TRAF1: variants seen among roughly 807,000 people sequenced by gnomAD.
TRAF1 encodes the protein TNF receptor-associated factor 1.
A neutral mutation model predicts 40.9 loss-of-function variants in TRAF1; 23 were observed. The observed-to-expected ratio is 0.56, with a 90% confidence interval of 0.40 to 0.80. TRAF1 has a LOEUF of 0.80. TRAF1 is among the 30% of genes least tolerant of loss of function. TRAF1 has a pLI of 0.00. For missense variants in TRAF1, 477 were observed against 528.7 expected (o/e 0.90, Z 0.96); for synonymous variants, 206 against 218.8 (o/e 0.94, Z 0.52).
chr9:120,914,547 A>G (rs1043653016), intron 3 of TRAF1: 29 of 1,149,310 alleles, frequency 2.5e-5, no homozygotes, highest in Non-Finnish European at 3.0e-5. Context: ...CTGTCAGGGC[A>G]CAGTCCACAC....
intron 3 of TRAF1, among the ~76,000 whole-genome samples, chr9:120,922,797 G>A (rs986740858): frequency 6.6e-6 from 1 of 152,112 alleles, no homozygotes; most frequent in African/African-American, 2.4e-5. Context: ...AGTCTTTGTT[G>A]CAAGTACTCA....
Position 120,905,241 on chromosome 9 carries a change from G to A in TRAF1, c.1033-3C>T, listed in dbSNP as rs768054582. ...TGGTCCAGCAGCATGAAGGTGACCT[G>A]CAGGGAAGGGATAGGTGGGAGATCA... is the stretch of plus-strand genomic sequence containing the variant. On this transcript the variant is annotated splice_region_variant and splice_polypyrimidine_tract_variant and intron_variant, in intron 7 of 7. Transcript: ENST00000373887. 5 of 1,603,094 alleles carry A rather than the reference G, an allele frequency of 3.1e-6. No individual in the cohort carries two copies. The highest frequency in any genetic ancestry group is 2.2e-5 in the South Asian group (2 of 89,538).
At position 120,902,534 on chromosome 9, in the gene TRAF1, G is replaced by C. The variant is rs983375072; in HGVS notation, c.*2486C>G. 6.6e-6 allele frequency: 1 copy of C among 151,250 alleles called. No individual in the cohort carries two copies. Among genetic ancestry groups the C allele is most frequent in the East Asian group, 1.9e-4 (1 of 5,150 alleles). 9.4% of individuals were successfully genotyped at this position (151,250 alleles called of 1,614,324 possible). A position where few individuals can be genotyped will look rare whatever the true frequency, so the allele number is the denominator to read the frequency against. ...GGTGGGGGGGGGGGCGGTGGGCACTGCTGCATCTGATGCTGTCTACACTCC... is the reference window on the plus strand; with the variant it reads ...GGTGGGGGGGGGGGCGGTGGGCACTCCTGCATCTGATGCTGTCTACACTCC... On this transcript the variant is annotated 3_prime_UTR_variant, in exon 8 of 8. Coordinates refer to ENST00000373887, the MANE Select transcript of TRAF1 (RefSeq NM_005658.5).
At chr9:120,914,032 T>C (rs779215589) in intron 4 of TRAF1, among the ~76,000 whole-genome samples, 19 of 152,294 alleles carry the variant, frequency 1.2e-4, no homozygotes, top group Non-Finnish European at 2.4e-4. Flanking sequence ...CTGCCTATGC[T>C]TAGGTAAGAC....
At chr9:120,921,932 A>G (rs1484797461) in intron 3 of TRAF1, among the ~76,000 whole-genome samples, 1 of 152,230 alleles carries the variant, frequency 6.6e-6, no homozygotes, top group African/African-American at 2.4e-5. Flanking sequence ...TGGACATCAC[A>G]GATCCTGGAA....
At chr9:120,916,364 C>T (rs1164911340) in intron 3 of TRAF1, among the ~76,000 whole-genome samples, 1 of 152,162 alleles carries the variant, frequency 6.6e-6, no homozygotes, top group African/African-American at 2.4e-5. Flanking sequence ...TGCCATTTGA[C>T]TGTAGTGGCG....
chr9:120,927,308 T>C (rs142731569), upstream of TRAF1: 2 of 152,330 alleles, frequency 1.3e-5, no homozygotes, highest in African/African-American at 2.4e-5. Context: ...ACTTTCACAG[T>C]GGTTTCAGAT....
chr9:120,925,352 A>G (rs926832006), intron 2 of TRAF1, among the ~76,000 whole-genome samples: 1 of 152,346 alleles, frequency 6.6e-6, no homozygotes, highest in Middle Eastern at 3.4e-3. Flanking sequence ...TTAAAGAGGG[A>G]TGTCCACAAT....
chr9:120,924,478 G>T (rs940814047), intron 2 of TRAF1, among the ~76,000 whole-genome samples: 4 of 152,024 alleles, frequency 2.6e-5, no homozygotes, highest in African/African-American at 9.7e-5. Flanking sequence ...GCAGTGGTGC[G>T]ATCTCAGCTC....
intron 2 of TRAF1, among the ~76,000 whole-genome samples, chr9:120,924,431 T>C (rs1314143065): frequency 2.0e-5 from 3 of 150,418 alleles, no homozygotes; most frequent in Non-Finnish European, 2.9e-5. Context: ...TTTTCTTTTT[T>C]TGAGACAGGG....
At chr9:120,918,573 C>G (rs1442343531) in intron 3 of TRAF1, among the ~76,000 whole-genome samples, 1 of 152,130 alleles carries the variant, frequency 6.6e-6, no homozygotes, top group Non-Finnish European at 1.5e-5. Flanking sequence ...ATCACAAACT[C>G]TTTAACAATG....
intron 7 of TRAF1, among the ~76,000 whole-genome samples, 159 bp from the exon 8 acceptor site, chr9:120,905,397 C>T (rs925436352): frequency 2.0e-5 from 3 of 152,218 alleles, no homozygotes; most frequent in East Asian, 1.9e-4. Context: ...AAGTAAGGAG[C>T]GCACCTGGCG....
At chr9:120,908,862 A>G (rs967580066) in intron 7 of TRAF1, among the ~76,000 whole-genome samples, 3 of 152,030 alleles carry the variant, frequency 2.0e-5, no homozygotes, top group South Asian at 2.1e-4. Flanking sequence ...GCCTGGCCAG[A>G]TGGTTTTTAT....
At chr9:120,913,795 C>A in intron 4 of TRAF1, 57 bp from the exon 5 acceptor site, 1 of 1,492,090 alleles carries the variant, frequency 6.7e-7, no homozygotes, top group Non-Finnish European at 8.9e-7. Context: ...GACAGGGGAG[C>A]AGTGGAGTGC....
chr9:120,925,883 G>A lies in TRAF1; in HGVS notation c.140+53C>T, dbSNP rs1204834929. The A allele has an allele frequency of 3.3e-5, 53 of 1,610,534 alleles. No homozygotes were observed. The East Asian group carries it at 9.8e-4, about 30-fold the overall frequency. On this transcript the variant is annotated intron_variant, in intron 2 of 7. Coordinates refer to ENST00000373887, the MANE Select transcript of TRAF1 (RefSeq NM_005658.5). ...CTCTGCCCCTCACCTCCCATCAGGGGTCCCTCCCTGGCACCCACTTTCTGC... is the reference window on the plus strand; with the variant it reads ...CTCTGCCCCTCACCTCCCATCAGGGATCCCTCCCTGGCACCCACTTTCTGC...
Position 120,904,980 on chromosome 9 carries a change from T to C in TRAF1, c.*40A>G. 6.3e-7 allele frequency: 1 copy of C among 1,586,054 alleles called. No individual in the cohort carries two copies. On this transcript the variant is annotated 3_prime_UTR_variant, in exon 8 of 8. Coordinates refer to ENST00000373887, the MANE Select transcript of TRAF1 (RefSeq NM_005658.5). ...AGGGCATCACAGTCCTCTGGCTAGC[T>C]CCCTTCTGAGTTGGAGCTCCCTCAG...
At chr9:120,917,354 C>T (rs1244224801) in intron 3 of TRAF1, among the ~76,000 whole-genome samples, 1 of 152,150 alleles carries the variant, frequency 6.6e-6, no homozygotes, top group Non-Finnish European at 1.5e-5. Context: ...GTTTCTGTCA[C>T]TTCACATACT....
chr9:120,914,130 G>T, intron 4 of TRAF1, 105 bp downstream of exon 4: 2 of 957,368 alleles, frequency 2.1e-6, no homozygotes, highest in Non-Finnish European at 1.5e-6. Flanking sequence ...ACATCCAGAT[G>T]AGTGGACTGA....
At chr9:120,924,753 C>T (rs984805951) in intron 2 of TRAF1, among the ~76,000 whole-genome samples, 1 of 152,192 alleles carries the variant, frequency 6.6e-6, no homozygotes, top group Non-Finnish European at 1.5e-5. Context: ...TGTCTCTGAC[C>T]TGCTACCGCT....
Sources: allele counts gnomAD v4.1 joint callset (sites outside exome capture counted in the v4.1 genomes callset), GRCh38; gene constraint gnomAD v4.1.1; transcripts MANE v1.5; gene names NCBI Gene and HGNC (gene_info 2026-07-23, HGNC 2026-07-21).